Variants in STX7 observed in about 807,000 individuals in gnomAD.
STX7 encodes the protein syntaxin-7.
Under a neutral mutation model 39.6 loss-of-function variants are expected in STX7, and 34 were observed. The ratio of observed to expected loss-of-function variants is 0.86; its 90% CI spans 0.65 to 1.14. The LOEUF (loss-of-function observed/expected upper bound fraction) is 1.14, where lower values mean the gene tolerates loss of function less well. Ranked by LOEUF, STX7 falls within the 50% of genes most tolerant of loss-of-function variation. STX7 has a pLI of 0.00. For missense variants in STX7, 284 were observed against 310.4 expected, an observed-to-expected ratio of 0.92 and a Z score of 0.64; for synonymous variants, 119 against 99.1, an observed-to-expected ratio of 1.20 and a Z score of -1.19.
Position 132,446,550 on chromosome 6 carries a change from CTGAA to C in STX7, c.*14204_*14207del, listed in dbSNP as rs1397564306. On this transcript the variant is annotated 3_prime_UTR_variant, in exon 10 of 10. Coordinates refer to ENST00000367941, the MANE Select transcript of STX7 (RefSeq NM_003569.3). ...GCATTGTCCCCAATGTCAGAATGTG[CTGAA>C]TAAGATTTTGCTTTTTCTCAGGGCC... 1 of 152,086 alleles carries C rather than the reference CTGAA, an allele frequency of 6.6e-6. No homozygotes were observed. Among genetic ancestry groups the C allele is most frequent in the Non-Finnish European group, 1.5e-5 (1 of 68,026 alleles). 9.4% of individuals were successfully genotyped at this position (152,086 alleles called of 1,614,324 possible). A position where few individuals can be genotyped will look rare whatever the true frequency, so the allele number is the denominator to read the frequency against.
chr6:132,513,141 A>C (rs937363150), upstream of STX7: 1 of 152,308 alleles, frequency 6.6e-6, no homozygotes, highest in Non-Finnish European at 1.5e-5. Context: ...CAACTCAGGA[A>C]GAAGGCGGGG....
At chr6:132,477,092 T>C (rs957744293) in intron 2 of STX7, among the ~76,000 whole-genome samples, 11 of 152,154 alleles carry the variant, frequency 7.2e-5, no homozygotes, top group Admixed American at 7.2e-4. Flanking sequence ...AAGTGAAAGC[T>C]GAAAAACAGA....
In STX7 at chr6:132,503,569, G is replaced by A. The variant is rs780093248; in HGVS notation, c.-39C>T. On this transcript the variant is annotated 5_prime_UTR_variant, in exon 2 of 10. Coordinates refer to ENST00000367941, the MANE Select transcript of STX7 (RefSeq NM_003569.3). ...ATTCGCTAATTTCATCAGATGCTGT[G>A]CAGTTTTCTAAGCAGTCACCTAAAT... 2.0e-6 allele frequency: 3 copies of A among 1,533,824 alleles called. No homozygotes were observed. In the South Asian group the frequency reaches 3.4e-5, roughly 17 times the overall value.
chr6:132,483,731 T>G (rs1229673496), intron 2 of STX7, among the ~76,000 whole-genome samples: 1 of 152,158 alleles, frequency 6.6e-6, no homozygotes, highest in East Asian at 1.9e-4. Context: ...GATAGTAGGA[T>G]ATGTGGTTCA....
At chr6:132,484,095 CAT>C (rs1775073144) in intron 2 of STX7, among the ~76,000 whole-genome samples, 1 of 152,188 alleles carries the variant, frequency 6.6e-6, no homozygotes, top group Admixed American at 6.5e-5. Context: ...ATTAAATCAA[CAT>C]GTGTCTCTAC....
rs1774095313 is a variant in STX7, at chr6:132,449,549, T to C, written c.*11209A>G. On this transcript the variant is annotated 3_prime_UTR_variant, in exon 10 of 10. Transcript: ENST00000367941. ...TTCCCATTCTATCCTTCAGGTCTCA[T>C]AATCTCTAATTCTTATTTTCTATCC... 6.6e-6 allele frequency: 1 copy of C among 152,188 alleles called. No individual in the cohort carries two copies. Among genetic ancestry groups the C allele is most frequent in the Non-Finnish European group, 1.5e-5 (1 of 68,028 alleles). The allele number at this position is 152,188 out of a possible 1,614,324, so 9.4% of individuals were successfully genotyped here. A position where few individuals can be genotyped will look rare whatever the true frequency, so the allele number is the denominator to read the frequency against.
At position 132,460,175 on chromosome 6, in the gene STX7, T is replaced by G. The variant is rs1032812240; in HGVS notation, c.*583A>C. On this transcript the variant is annotated 3_prime_UTR_variant, in exon 10 of 10. Transcript: ENST00000367941. ...GCTTAATATATACACAGAAAGAGTATCAAATAAACTAGAAAAGTATTCACC... is the reference window on the plus strand; with the variant it reads ...GCTTAATATATACACAGAAAGAGTAGCAAATAAACTAGAAAAGTATTCACC... 12 of 152,088 alleles carry G rather than the reference T, an allele frequency of 7.9e-5. No homozygotes were observed. Among genetic ancestry groups the G allele is most frequent in the Non-Finnish European group, 7.4e-5 (5 of 68,024 alleles). The allele number at this position is 152,088 out of a possible 1,614,324, so 9.4% of individuals were successfully genotyped here.
Position 132,456,653 on chromosome 6 carries a change from G to A in STX7, c.*4105C>T, listed in dbSNP as rs758518607. On this transcript the variant is annotated 3_prime_UTR_variant, in exon 10 of 10. Transcript: ENST00000367941. ...AAAAAAATGACTTGCTTACCATCTAGAGCCAATGCTTCTAAATTTTTCCAT... is the reference window on the plus strand; with the variant it reads ...AAAAAAATGACTTGCTTACCATCTAAAGCCAATGCTTCTAAATTTTTCCAT... 12 of 152,204 alleles carry A rather than the reference G, an allele frequency of 7.9e-5. No homozygotes were observed. Among genetic ancestry groups the A allele is most frequent in the African/African-American group, 2.7e-4 (11 of 41,446 alleles). The allele number at this position is 152,204 out of a possible 1,614,324, so 9.4% of individuals were successfully genotyped here. A position where few individuals can be genotyped will look rare whatever the true frequency, so the allele number is the denominator to read the frequency against.
intron 3 of STX7, among the ~76,000 whole-genome samples, chr6:132,472,586 G>C (rs750489846): frequency 5.9e-5 from 9 of 152,094 alleles, no homozygotes; most frequent in Non-Finnish European, 1.0e-4. Context: ...ACTCACACAG[G>C]GTAGGCAAGC....
chr6:132,461,855 C>T (rs1487164781), intron 9 of STX7: 2 of 1,539,846 alleles, frequency 1.3e-6, no homozygotes, highest in African/African-American at 2.7e-5. Flanking sequence ...TGCAGGAATC[C>T]TTTTTCTTAC....
chr6:132,463,185 G>A (rs1428252057), intron 9 of STX7, among the ~76,000 whole-genome samples: 1 of 152,118 alleles, frequency 6.6e-6, no homozygotes, highest in Non-Finnish European at 1.5e-5. Flanking sequence ...TCCAGCCTGG[G>A]CATCGGAGCC....
chr6:132,499,517 T>A (rs1775499173), intron 2 of STX7, among the ~76,000 whole-genome samples: 1 of 152,242 alleles, frequency 6.6e-6, no homozygotes. Flanking sequence ...GTCACCAGTT[T>A]ACCAAATCCA....
chr6:132,495,041 C>G (rs1235583475), intron 2 of STX7, among the ~76,000 whole-genome samples: 1 of 152,042 alleles, frequency 6.6e-6, no homozygotes, highest in African/African-American at 2.4e-5. Context: ...GTGAAGACAC[C>G]CATTACTATG....
At chr6:132,467,920 C>G (rs1774601807) in intron 8 of STX7, among the ~76,000 whole-genome samples, 1 of 152,160 alleles carries the variant, frequency 6.6e-6, no homozygotes, top group Non-Finnish European at 1.5e-5. Flanking sequence ...TTCCTAACTT[C>G]TATGTAATAC....
intron 2 of STX7, among the ~76,000 whole-genome samples, chr6:132,489,439 G>A (rs533064923): frequency 3.0e-4 from 46 of 152,250 alleles, no homozygotes; most frequent in Admixed American, 1.6e-3. Context: ...TCTAAAAAGT[G>A]TATCACAAGT....
At chr6:132,505,758 A>C (rs1204153397) in intron 1 of STX7, among the ~76,000 whole-genome samples, 2 of 129,048 alleles carry the variant, frequency 1.5e-5, no homozygotes, top group Non-Finnish European at 3.6e-5. Flanking sequence ...AAAAAAAAAA[A>C]AAAAAACACA....
intron 2 of STX7, among the ~76,000 whole-genome samples, chr6:132,490,563 C>T (rs1268656474): frequency 6.6e-6 from 1 of 152,072 alleles, no homozygotes; most frequent in Non-Finnish European, 1.5e-5. Flanking sequence ...ACCAAATTCT[C>T]AAAAACGTGT....
At position 132,475,678 on chromosome 6, in the gene STX7, AT is replaced by A. The variant is rs1171406336; in HGVS notation, c.86-17del. On this transcript the variant is annotated splice_polypyrimidine_tract_variant and intron_variant, in intron 2 of 9. Coordinates refer to ENST00000367941, the MANE Select transcript of STX7 (RefSeq NM_003569.3). ...ATTTCCACAGCTATTATAATAGAAA[AT>A]TCATGTATTAATTGTCACAAAAGTT... 1 of 1,564,964 alleles carries A rather than the reference AT, an allele frequency of 6.4e-7. No homozygotes were observed. The highest frequency in any genetic ancestry group is 1.4e-5 in the African/African-American group (1 of 73,644).
In STX7 at chr6:132,472,259, CAAT is replaced by C. The variant is rs763318818; in HGVS notation, c.249+20_249+22del. 5.1e-5 allele frequency: 80 copies of C among 1,583,388 alleles called. No homozygotes were observed. Among genetic ancestry groups the C allele is most frequent in the Non-Finnish European group, 6.7e-5 (78 of 1,160,844 alleles). ...GTTTTTTTCACATTCAATACATCAA[CAAT>C]GTGTCTTAAAGCTTGATACCTGTTC... On this transcript the variant is annotated intron_variant, in intron 4 of 9. Transcript: ENST00000367941.
Sources: gnomAD v4.1 joint callset for allele counts (sites outside exome capture counted in the v4.1 genomes callset) on GRCh38, gnomAD v4.1.1 for gene constraint, MANE v1.5 for transcripts, NCBI Gene and HGNC (gene_info 2026-07-23, HGNC 2026-07-21) for gene names.